Variants in CDH18 observed in about 807,000 individuals in gnomAD.
CDH18 encodes cadherin-18.
A neutral mutation model predicts 67.9 loss-of-function variants in CDH18; 31 were observed. That is an observed-to-expected ratio of 0.46 (90% confidence interval 0.34 to 0.62). The LOEUF is 0.62. Ranked by LOEUF, CDH18 falls within the 20% of genes least tolerant of loss-of-function variation. The pLI is 0.01. For synonymous variants in CDH18, 362 were observed against 347.2 expected (o/e 1.04, Z -0.48); for missense variants, 890 against 975.5 (o/e 0.91, Z 1.17).
rs554672793 is a variant in CDH18, at chr5:20,052,254, T to C, written c.-517-60240A>G. The stretch of plus-strand genomic sequence containing the variant: ...TACCTGGACCCTTAGTGACATGGCA[T>C]GTCAGGACCGTAGTGCAGGATGAGA... On this transcript the variant is annotated intron_variant, in intron 2 of 14. Transcript: ENST00000507958. Among the ~76,000 whole-genome samples the C allele has an allele frequency of 3.1e-4, 47 of 152,208 alleles. 1 individual carries two copies. The South Asian group carries it at 7.9e-3, about 25-fold the overall frequency.
intron 2 of CDH18, among the ~76,000 whole-genome samples, chr5:20,119,717 G>A (rs1022764568): frequency 6.6e-6 from 1 of 152,126 alleles, no homozygotes; most frequent in African/African-American, 2.4e-5. Flanking sequence ...GTGGTGCCAG[G>A]CACCGAGCTT....
At chr5:19,536,727 G>A (rs868820017) in intron 9 of CDH18, among the ~76,000 whole-genome samples, 14 of 152,266 alleles carry the variant, frequency 9.2e-5, no homozygotes, top group Middle Eastern at 6.8e-3. Context: ...AACCAGGGTC[G>A]CTGGGCCTCA....
intron 11 of CDH18, among the ~76,000 whole-genome samples, chr5:19,496,811 C>CAAAAA (rs777601146): frequency 1.2e-4 from 9 of 75,178 alleles, no homozygotes; most frequent in Admixed American, 5.0e-4. Context: ...GACTCCATCT[C>CAAAAA]AAAAAAAAAA....
intron 1 of CDH18, among the ~76,000 whole-genome samples, chr5:20,483,096 A>C (rs899070742): frequency 1.3e-5 from 2 of 152,104 alleles, no homozygotes; most frequent in Non-Finnish European, 2.9e-5. Context: ...CGGCATACAA[A>C]AACCAATAGT....
rs191642584 is a variant in CDH18, at chr5:20,526,274, G to A, written c.-580+49188C>T. Among the ~76,000 whole-genome samples the A allele has an allele frequency of 3.2e-3, 485 of 152,180 alleles. 2 individuals are homozygous for A. The highest frequency in any genetic ancestry group is 5.1e-3 in the Non-Finnish European group (346 of 68,014). On this transcript the variant is annotated intron_variant, in intron 1 of 14. Transcript: ENST00000507958. ...ACAGAACTCTCATTTCCCTGGGACCGAGCACCTAGCGGGGAGGGGCAGCCA... is the reference window on the plus strand; with the variant it reads ...ACAGAACTCTCATTTCCCTGGGACCAAGCACCTAGCGGGGAGGGGCAGCCA...
intron 1 of CDH18, among the ~76,000 whole-genome samples, chr5:20,260,277 C>T (rs1744549001): frequency 1.3e-5 from 2 of 151,752 alleles, no homozygotes; most frequent in Non-Finnish European, 1.5e-5. Flanking sequence ...ATTTTTGAAA[C>T]AATGTTGATA....
chr5:20,250,986 T>TAATTTGAC (rs1743816960), intron 2 of CDH18, among the ~76,000 whole-genome samples: 1 of 152,180 alleles, frequency 6.6e-6, no homozygotes, highest in Non-Finnish European at 1.5e-5. Flanking sequence ...GTAACTCTGT[T>TAATTTGAC]AATTTGACTT....
intron 2 of CDH18, among the ~76,000 whole-genome samples, chr5:20,254,355 G>A (rs1270836736): frequency 6.6e-6 from 1 of 152,096 alleles, no homozygotes; most frequent in Non-Finnish European, 1.5e-5. Context: ...CAGGTGATCA[G>A]CCTGCCTCAT....
Position 19,654,388 on chromosome 5 carries a change from T to C in CDH18, c.644-41787A>G, listed in dbSNP as rs143444102. Among the ~76,000 whole-genome samples the C allele has an allele frequency of 5.1e-4, 78 of 152,364 alleles. 2 individuals are homozygous for C. In the East Asian group the frequency reaches 0.014, roughly 28 times the overall value. On this transcript the variant is annotated intron_variant, in intron 5 of 12. Coordinates refer to ENST00000382275, the MANE Select transcript of CDH18 (RefSeq NM_004934.5). ...AATATATGAAATCTGATTATATGCATGCATACATGTATAAATGCATATGTG... is the reference window on the plus strand; with the variant it reads ...AATATATGAAATCTGATTATATGCACGCATACATGTATAAATGCATATGTG...
chr5:19,985,291 A>T, intron 1 of CDH18, among the ~76,000 whole-genome samples: 1 of 152,088 alleles, frequency 6.6e-6, no homozygotes, highest in East Asian at 1.9e-4. Flanking sequence ...TCCAAACTGG[A>T]CTGGGCAGTT....
intron 1 of CDH18, among the ~76,000 whole-genome samples, chr5:20,409,635 C>T (rs1003351193): frequency 6.6e-6 from 1 of 151,100 alleles, no homozygotes; most frequent in African/African-American, 2.4e-5. Context: ...CCAAAGTTAG[C>T]AGAAGAACAT....
intron 2 of CDH18, among the ~76,000 whole-genome samples, chr5:20,198,698 C>A (rs557056423): frequency 6.6e-6 from 1 of 152,248 alleles, no homozygotes; most frequent in South Asian, 2.1e-4. Flanking sequence ...GTCTCCAGGG[C>A]ATGTCAGAGG....
chr5:19,851,115 G>A (rs960213417), intron 2 of CDH18, among the ~76,000 whole-genome samples: 17 of 151,750 alleles, frequency 1.1e-4, no homozygotes, highest in African/African-American at 3.6e-4. Flanking sequence ...TAATGTCCTC[G>A]AGAGTATTAT....
intron 5 of CDH18, among the ~76,000 whole-genome samples, chr5:19,702,948 T>C (rs959990423): frequency 6.6e-6 from 1 of 152,218 alleles, no homozygotes; most frequent in African/African-American, 2.4e-5. Flanking sequence ...ATGTTCCTGC[T>C]GCAGATAACT....
intron 2 of CDH18, among the ~76,000 whole-genome samples, chr5:20,044,945 A>G (rs2150479541): frequency 6.6e-6 from 1 of 152,130 alleles, no homozygotes; most frequent in Middle Eastern, 3.4e-3. Context: ...AAGTTTTAAT[A>G]TTTGCTCACT....
chr5:20,310,324 A>G (rs551655125), intron 1 of CDH18, among the ~76,000 whole-genome samples: 51 of 152,262 alleles, frequency 3.3e-4, no homozygotes, highest in African/African-American at 1.2e-3. Context: ...GTGTTGTTTT[A>G]TTTTTAAACT....
At chr5:20,207,539 T>A (rs1580479059) in intron 2 of CDH18, among the ~76,000 whole-genome samples, 1 of 152,164 alleles carries the variant, frequency 6.6e-6, no homozygotes, top group East Asian at 1.9e-4. Context: ...GAAAGGCACA[T>A]CTTACATGGC....
chr5:20,468,026 T>TTATA (rs1751778048), intron 1 of CDH18, among the ~76,000 whole-genome samples: 1 of 151,900 alleles, frequency 6.6e-6, no homozygotes, highest in Non-Finnish European at 1.5e-5. Flanking sequence ...ATTTATTTAT[T>TTATA]ATTTTTGAGA....
chr5:19,807,916 C>T (rs1778201130), intron 3 of CDH18, among the ~76,000 whole-genome samples: 1 of 152,034 alleles, frequency 6.6e-6, no homozygotes, highest in African/African-American at 2.4e-5. Flanking sequence ...CTGCTTTTTT[C>T]ACTACTATAT....
Sources: allele counts gnomAD v4.1 joint callset (sites outside exome capture counted in the v4.1 genomes callset), GRCh38; gene constraint gnomAD v4.1.1; transcripts MANE v1.5; gene names NCBI Gene and HGNC (gene_info 2026-07-23, HGNC 2026-07-21).